U2SURP: variants seen among roughly 807,000 people sequenced by gnomAD.
U2SURP encodes U2 snRNP-associated SURP motif-containing protein.
In U2SURP, 9 loss-of-function variants were observed where a neutral mutation model predicts 144.9. The observed-to-expected ratio is 0.06, with a 90% confidence interval of 0.04 to 0.11. The LOEUF is 0.11. Among genes scored for constraint, U2SURP ranks in the 10% least tolerant of loss-of-function variants. U2SURP has a pLI of 1.00. For synonymous variants in U2SURP, 408 were observed against 396.8 expected, an observed-to-expected ratio of 1.03 and a Z score of -0.33; for missense variants, 724 against 1,226.7, an observed-to-expected ratio of 0.59 and a Z score of 6.12.
chr3:143,036,158 G>A, intron 20 of U2SURP, 54 bp downstream of exon 20: 2 of 1,524,504 alleles, frequency 1.3e-6, no homozygotes, highest in Non-Finnish European at 1.8e-6. Flanking sequence ...TGGGGTGGAG[G>A]TTTCTTGGAG....
intron 1 of U2SURP, 44 bp from the exon 2 acceptor site, chr3:143,010,771 A>G (rs1936082450): frequency 6.7e-7 from 1 of 1,494,036 alleles, no homozygotes; most frequent in Non-Finnish European, 9.2e-7. Context: ...TTTTGTTAGT[A>G]TAAGACATTT....
chr3:143,021,200 C>G (rs542463353), intron 8 of U2SURP, 150 bp from the exon 9 acceptor site: 1 of 916,742 alleles, frequency 1.1e-6, no homozygotes, highest in Non-Finnish European at 1.6e-6. Flanking sequence ...CAAAAAACAA[C>G]AACAACAACA....
intron 6 of U2SURP, among the ~76,000 whole-genome samples, chr3:143,018,912 C>CGAAA (rs1488441521): frequency 1.3e-5 from 2 of 151,974 alleles, no homozygotes; most frequent in Non-Finnish European, 2.9e-5. Flanking sequence ...GCAACAAGAG[C>CGAAA]GAAACTCCAT....
chr3:143,043,075 CTT>C (rs1560199706), intron 23 of U2SURP, 40 bp from the exon 24 acceptor site: 1 of 1,542,036 alleles, frequency 6.5e-7, no homozygotes, highest in South Asian at 1.2e-5. Context: ...ATGGTACTCT[CTT>C]GCTGCCTTGA....
At chr3:143,035,950 A>G in intron 19 of U2SURP, 32 bp from the exon 20 acceptor site, 2 of 1,564,946 alleles carry the variant, frequency 1.3e-6, no homozygotes, top group Non-Finnish European at 1.7e-6. Flanking sequence ...AGCCCAAAAT[A>G]AAAGTTTGTT....
intron 5 of U2SURP, 92 bp from the exon 6 acceptor site, chr3:143,016,750 A>G: frequency 8.7e-7 from 1 of 1,155,720 alleles, no homozygotes; most frequent in Non-Finnish European, 1.2e-6. Flanking sequence ...TTAATACTAA[A>G]AGCATTTTAC....
At chr3:143,008,115 T>A (rs1935938083) in intron 1 of U2SURP, among the ~76,000 whole-genome samples, 2 of 152,248 alleles carry the variant, frequency 1.3e-5, no homozygotes, top group South Asian at 2.1e-4. Context: ...CTGCTCTGTT[T>A]GCAAATTTAT....
At chr3:143,006,745 A>G (rs1318507478) in intron 1 of U2SURP, among the ~76,000 whole-genome samples, 1 of 152,244 alleles carries the variant, frequency 6.6e-6, no homozygotes, top group Admixed American at 6.5e-5. Flanking sequence ...TCCGTCTCAA[A>G]AAAAAGAATG....
intron 24 of U2SURP, among the ~76,000 whole-genome samples, chr3:143,047,827 C>T (rs1299122696): frequency 2.7e-5 from 3 of 109,528 alleles, no homozygotes; most frequent in African/African-American, 7.0e-5. Context: ...TAGGGGCGGC[C>T]GGGCAGAGGA....
At chr3:143,026,925 C>T in intron 13 of U2SURP, 2 of 377,314 alleles carry the variant, frequency 5.3e-6, no homozygotes, top group Non-Finnish European at 9.5e-6. Context: ...GGTTTCCTAC[C>T]CTCCCTCACC....
Position 143,012,288 on chromosome 3 carries a change from C to T in U2SURP, c.157C>T (p.His53Tyr), listed in dbSNP as rs372782950. ...SRTRPKSPRKHNYRNESARES... is the reference protein window; with the variant it reads ...SRTRPKSPRKYNYRNESARES... ...GACACGACCTAAGAGCCCAAGAAAA[C>T]ATAATTATAGGAATGAAAGTGCCCG... The change falls in exon 3 of 28, where the codon CAT (histidine) becomes TAT (tyrosine). Residue 53 changes from histidine to tyrosine, a missense_variant. His to Tyr is a moderately conservative substitution (Grantham distance 83). Around this residue, in one of 13 missense-constraint regions of U2SURP, gnomAD observed 127 missense variants for 98.2 expected, o/e 1.29. Coordinates refer to ENST00000473835, the MANE Select transcript of U2SURP (RefSeq NM_001080415.2). 6.2e-7 allele frequency: 1 copy of T among 1,613,308 alleles called. No individual in the cohort carries two copies. Among genetic ancestry groups the T allele is most frequent in the African/African-American group, 1.3e-5 (1 of 74,970 alleles).
At chr3:143,049,354 T>TA (rs11381008) in intron 24 of U2SURP, among the ~76,000 whole-genome samples, 101,717 of 149,846 alleles carry the variant, frequency 0.68, 34,554 homozygotes, top group African/African-American at 0.76. Context: ...TAAAGGGGGG[T>TA]AACAAGCAAA....
Position 143,014,311 on chromosome 3 carries a change from C to A in U2SURP, c.223C>A (p.Pro75Thr). ...CDSPHQNLSR[P>T]LLENKLKAFS... Reference sequence around the variant, plus strand: ...TAAAAGTATGCTTTTTATTTCTTAGCCTCTTCTGGAAAACAAACTTAAAGC... The same window carrying A: ...TAAAAGTATGCTTTTTATTTCTTAGACTCTTCTGGAAAACAAACTTAAAGC... The change falls in exon 4 of 28, where the codon CCT becomes ACT. Residue 75 changes from proline to threonine, a missense_variant and splice_region_variant. By Grantham distance (38) the Pro-to-Thr change is conservative. Transcript: ENST00000473835. 1 of 1,586,394 alleles carries A rather than the reference C, an allele frequency of 6.3e-7. No individual in the cohort carries two copies. The highest frequency in any genetic ancestry group is 8.6e-7 in the Non-Finnish European group (1 of 1,165,072).
At position 143,060,219 on chromosome 3, in the gene U2SURP, C is replaced by T. The variant is rs1275977253; in HGVS notation, c.*3769C>T. 1 of 152,344 alleles carries T rather than the reference C, an allele frequency of 6.6e-6. No individual in the cohort carries two copies. The highest frequency in any genetic ancestry group is 1.5e-5 in the Non-Finnish European group (1 of 67,852). The allele number at this position is 152,344 out of a possible 1,614,324, so 9.4% of individuals were successfully genotyped here. ...GTGCTTGGAGTATTTGTGTTTTATT[C>T]TTTTACTTCAACGGGTTCTTGTCTG... On this transcript the variant is annotated 3_prime_UTR_variant, in exon 28 of 28. Coordinates refer to ENST00000473835, the MANE Select transcript of U2SURP (RefSeq NM_001080415.2).
At chr3:143,004,804 T>C (rs1305486702) in intron 1 of U2SURP, among the ~76,000 whole-genome samples, 1 of 152,176 alleles carries the variant, frequency 6.6e-6, no homozygotes, top group Non-Finnish European at 1.5e-5. Context: ...ACAAATGTTC[T>C]AGAAATGAGC....
chr3:143,002,405 A>C (rs1397983141), intron 1 of U2SURP: 4 of 152,258 alleles, frequency 2.6e-5, no homozygotes, highest in Non-Finnish European at 4.4e-5. Flanking sequence ...GTTTACAGGG[A>C]ACCCTGGGCA....
chr3:143,052,991 C>T (rs1404910187), intron 25 of U2SURP, among the ~76,000 whole-genome samples: 3 of 129,982 alleles, frequency 2.3e-5, no homozygotes, highest in Non-Finnish European at 4.7e-5. Context: ...GTCATGTAGT[C>T]AGTTTGTATT....
chr3:143,024,100 A>G, intron 13 of U2SURP, 82 bp downstream of exon 13: 4 of 1,322,910 alleles, frequency 3.0e-6, no homozygotes, highest in Non-Finnish European at 4.3e-6. Context: ...TGTTGAGGAA[A>G]AGGTAGTATC....
chr3:143,047,146 C>T (rs1411494394), intron 24 of U2SURP, among the ~76,000 whole-genome samples: 46 of 100,090 alleles, frequency 4.6e-4, no homozygotes, highest in Middle Eastern at 6.3e-3. Flanking sequence ...CCTCACCTCC[C>T]GGACGGGGCG....
Sources: allele counts gnomAD v4.1 joint callset (sites outside exome capture counted in the v4.1 genomes callset), GRCh38; gene constraint gnomAD v4.1.1; regional missense constraint gnomAD v4.1.1; transcripts MANE v1.5; gene names NCBI Gene and HGNC (gene_info 2026-07-23, HGNC 2026-07-21).